Variants in TNFRSF19 observed in about 807,000 individuals in gnomAD.
TNFRSF19 encodes tumor necrosis factor receptor superfamily member 19.
TNFRSF19 carries 27 observed loss-of-function variants against 46.4 expected under a neutral mutation model. The observed-to-expected ratio is 0.58, with a 90% CI of 0.43 to 0.80. The LOEUF is 0.80. TNFRSF19 is among the 30% of genes least tolerant of loss of function. TNFRSF19 has a pLI of 0.00. For missense variants in TNFRSF19, 511 were observed against 530.8 expected, an observed-to-expected ratio of 0.96 and a Z score of 0.37; for synonymous variants, 204 against 205.0, an observed-to-expected ratio of 1.00 and a Z score of 0.04.
chr13:23,667,996 C>T lies in TNFRSF19; in HGVS notation c.753C>T (p.Leu251=). Residue 251 remains leucine (L), a synonymous_variant, in exon 8 of 10, where the codon CTC becomes CTT. Coordinates refer to ENST00000248484, the MANE Select transcript of TNFRSF19 (RefSeq NM_148957.4). ...CTTCCCTAGGGCCGGTGCGCTTGCT[C>T]CCATCCATGTGCTGTGAGGAGGCCT... ...SVQTCGPVRL[L]PSMCCEEACS... is the part of the protein sequence containing the mutation. 6.2e-7 allele frequency: 1 copy of T among 1,608,568 alleles called. No individual in the cohort carries two copies. The highest frequency in any genetic ancestry group is 1.1e-5 in the South Asian group (1 of 89,354).
intron 5 of TNFRSF19, among the ~76,000 whole-genome samples, chr13:23,646,527 A>G (rs1013342928): frequency 6.6e-6 from 1 of 152,116 alleles, no homozygotes; most frequent in African/African-American, 2.4e-5. Flanking sequence ...TGTAAGTGGA[A>G]TTATATTAGT....
At chr13:23,650,981 T>C (rs1167002659) in intron 5 of TNFRSF19, among the ~76,000 whole-genome samples, 1 of 152,190 alleles carries the variant, frequency 6.6e-6, no homozygotes, top group African/African-American at 2.4e-5. Flanking sequence ...GCAGACTCTA[T>C]AGTGGTAGAT....
chr13:23,582,573 A>G (rs1952038787), intron 1 of TNFRSF19, among the ~76,000 whole-genome samples: 1 of 152,012 alleles, frequency 6.6e-6, no homozygotes, highest in Admixed American at 6.5e-5. Context: ...ATTGATTCGC[A>G]TATAGTAAGT....
intron 3 of TNFRSF19, among the ~76,000 whole-genome samples, chr13:23,610,525 G>C (rs1212435584): frequency 7.2e-6 from 1 of 139,568 alleles, no homozygotes; most frequent in Admixed American, 6.9e-5. Context: ...AGCCCACCCT[G>C]CCTGCCATCC....
intron 5 of TNFRSF19, among the ~76,000 whole-genome samples, chr13:23,651,834 T>C (rs1883655148): frequency 7.8e-6 from 1 of 127,746 alleles, no homozygotes; most frequent in Non-Finnish European, 1.6e-5. Context: ...TCCTTCACAC[T>C]ATAGTCTTTT....
At chr13:23,592,294 T>A (rs1790508300) in intron 2 of TNFRSF19, among the ~76,000 whole-genome samples, 1 of 152,156 alleles carries the variant, frequency 6.6e-6, no homozygotes, top group Non-Finnish European at 1.5e-5. Context: ...ACCGCGTCAG[T>A]AGCACTATTC....
chr13:23,635,228 T>C (rs1276849863), intron 5 of TNFRSF19, among the ~76,000 whole-genome samples: 2 of 152,080 alleles, frequency 1.3e-5, no homozygotes, highest in Non-Finnish European at 2.9e-5. Context: ...TCTGAACCTA[T>C]AAATAAAATG....
chr13:23,603,529 C>G (rs1880310931), intron 3 of TNFRSF19, among the ~76,000 whole-genome samples: 1 of 151,940 alleles, frequency 6.6e-6, no homozygotes, highest in African/African-American at 2.4e-5. Context: ...AAACTATAGA[C>G]CAATATCTCT....
chr13:23,586,520 C>T (rs1361380136), intron 1 of TNFRSF19, among the ~76,000 whole-genome samples: 1 of 152,168 alleles, frequency 6.6e-6, no homozygotes, highest in Admixed American at 6.5e-5. Flanking sequence ...GTCCGCCCAG[C>T]CAATCAGAGA....
chr13:23,586,490 CTG>C (rs957940224), intron 1 of TNFRSF19, among the ~76,000 whole-genome samples: 1 of 152,156 alleles, frequency 6.6e-6, no homozygotes, highest in African/African-American at 2.4e-5. Flanking sequence ...GAAGCAGTCA[CTG>C]TGGTTTGAGA....
intron 3 of TNFRSF19, among the ~76,000 whole-genome samples, chr13:23,615,042 A>G (rs1881177133): frequency 6.6e-6 from 1 of 152,212 alleles, no homozygotes; most frequent in Non-Finnish European, 1.5e-5. Context: ...TTTGTAAACA[A>G]TGGAATCATA....
intron 2 of TNFRSF19, among the ~76,000 whole-genome samples, chr13:23,591,198 A>G (rs1455858348): frequency 1.3e-5 from 2 of 152,198 alleles, no homozygotes; most frequent in Admixed American, 1.3e-4. Flanking sequence ...CATGCTTGTA[A>G]TCCCAGCACT....
chr13:23,645,459 C>T (rs1038126113), intron 5 of TNFRSF19, among the ~76,000 whole-genome samples: 5 of 152,196 alleles, frequency 3.3e-5, no homozygotes, highest in Non-Finnish European at 5.9e-5. Context: ...GCCTTGGCCT[C>T]CCAAAGTGCT....
At chr13:23,666,146 A>G (rs9510800) in intron 7 of TNFRSF19, among the ~76,000 whole-genome samples, 34,850 of 152,154 alleles carry the variant, frequency 0.23, 4,776 homozygotes, top group Non-Finnish European at 0.31. Context: ...AACCTTGGTC[A>G]CTTCGTTAAG....
chr13:23,597,892 A>G (rs1303661433), intron 3 of TNFRSF19, among the ~76,000 whole-genome samples: 1 of 152,226 alleles, frequency 6.6e-6, no homozygotes, highest in Non-Finnish European at 1.5e-5. Context: ...CAAAAAGCTT[A>G]TCCACCACAA....
chr13:23,584,213 A>G (rs1878662899), intron 1 of TNFRSF19, among the ~76,000 whole-genome samples: 1 of 151,960 alleles, frequency 6.6e-6, no homozygotes, highest in Non-Finnish European at 1.5e-5. Context: ...GTAGCCTTTT[A>G]TCCCTCACCC....
intron 1 of TNFRSF19, among the ~76,000 whole-genome samples, chr13:23,589,529 C>A (rs909690469): frequency 6.6e-6 from 1 of 152,194 alleles, no homozygotes; most frequent in Admixed American, 6.5e-5. Context: ...CATTGTCTGT[C>A]AGGGCGTATG....
chr13:23,604,579 T>C (rs1490780930), intron 3 of TNFRSF19, among the ~76,000 whole-genome samples: 1 of 152,036 alleles, frequency 6.6e-6, no homozygotes, highest in Non-Finnish European at 1.5e-5. Flanking sequence ...AGTTGGAGGA[T>C]TGACACTACC....
chr13:23,647,872 A>T (rs1883421224), intron 5 of TNFRSF19, among the ~76,000 whole-genome samples: 1 of 152,102 alleles, frequency 6.6e-6, no homozygotes, highest in Non-Finnish European at 1.5e-5. Context: ...GCACTCATTT[A>T]AAAAAATCAG....
Sources: gnomAD v4.1 joint callset for allele counts (sites outside exome capture counted in the v4.1 genomes callset) on GRCh38, gnomAD v4.1.1 for gene constraint, MANE v1.5 for transcripts, NCBI Gene and HGNC (gene_info 2026-07-23, HGNC 2026-07-21) for gene names.